Variants in RCOR1 observed in about 807,000 individuals in gnomAD.
The protein encoded by RCOR1 is REST corepressor 1, also known as REST corepressor.
Under a neutral mutation model 64.0 loss-of-function variants are expected in RCOR1, and 12 were observed. The ratio of observed to expected loss-of-function variants is 0.19; its 90% CI spans 0.12 to 0.30. The LOEUF (loss-of-function observed/expected upper bound fraction) is 0.30. RCOR1 is among the 10% of genes least tolerant of loss of function. The pLI is 1.00. For synonymous variants in RCOR1, 279 were observed against 227.2 expected (o/e 1.23, Z -2.05); for missense variants, 502 against 621.2 (o/e 0.81, Z 2.04).
intron 3 of RCOR1, among the ~76,000 whole-genome samples, chr14:102,700,616 G>A (rs1015120265): frequency 6.6e-6 from 1 of 152,158 alleles, no homozygotes; most frequent in Non-Finnish European, 1.5e-5. Context: ...GGATCCTCCC[G>A]CCTCAGCTTT....
In RCOR1 at chr14:102,701,227, G is replaced by T. The variant is rs770795315; in HGVS notation, c.446-51G>T. On this transcript the variant is annotated intron_variant, in intron 3 of 11. Coordinates refer to ENST00000262241, the MANE Select transcript of RCOR1 (RefSeq NM_015156.4). The stretch of plus-strand genomic sequence containing the variant: ...GTATATCAATTCTAGCAGACCATAG[G>T]GTGTACTCTGTCCCTCAGTTTGTTT... The T allele has an allele frequency of 9.9e-6, 14 of 1,409,774 alleles. No homozygotes were observed. In the African/African-American group the frequency reaches 1.6e-4, roughly 16 times the overall value. 87.3% of individuals were successfully genotyped at this position (1,409,774 alleles called of 1,614,324 possible).
chr14:102,656,389 C>T (rs1189620220), intron 2 of RCOR1, among the ~76,000 whole-genome samples: 1 of 152,024 alleles, frequency 6.6e-6, no homozygotes, highest in East Asian at 1.9e-4. Context: ...TCCGCCTGCT[C>T]AGCCTCCCTG....
chr14:102,707,185 T>A (rs777471475), intron 4 of RCOR1, among the ~76,000 whole-genome samples, 166 bp from the exon 5 acceptor site: 39 of 152,192 alleles, frequency 2.6e-4, no homozygotes, highest in Non-Finnish European at 4.0e-4. Context: ...ATTACCACAG[T>A]TACAAAGAAT....
intron 3 of RCOR1, among the ~76,000 whole-genome samples, chr14:102,696,808 CTTTTTTTTT>C (rs71305075): frequency 3.5e-5 from 2 of 57,404 alleles, no homozygotes; most frequent in Non-Finnish European, 6.9e-5. Context: ...ATCTGCTTAT[CTTTTTTTTT>C]TTTTTTTTTT....
chr14:102,708,466 T>A lies in RCOR1; in HGVS notation c.662T>A (p.Leu221His). Residue 221 changes from leucine to histidine, a missense_variant and splice_region_variant, in exon 6 of 12, where the codon CTT becomes CAT. By Grantham distance (99) the Leu-to-His change is moderately conservative (BLOSUM62 -3). This residue lies in a region of RCOR1 where 260 missense variants were observed against 416.4 expected (regional missense o/e 0.62). Transcript: ENST00000262241. ...AACCAACTCATTTTTTATGTTTAGC[T>A]TCCAGATAAATCTATAGCAAGTCTG... is the stretch of plus-strand genomic sequence containing the variant. ...GKTFHRIQQM[L>H]PDKSIASLVK... 6.8e-7 allele frequency: 1 copy of A among 1,460,570 alleles called. No individual in the cohort carries two copies. The highest frequency in any genetic ancestry group is 1.4e-5 in the African/African-American group (1 of 71,814). The allele number at this position is 1,460,570 out of a possible 1,614,324, so 90.5% of individuals were successfully genotyped here.
At chr14:102,676,853 G>T (rs1895177394) in intron 2 of RCOR1, among the ~76,000 whole-genome samples, 1 of 106,066 alleles carries the variant, frequency 9.4e-6, no homozygotes, top group Non-Finnish European at 1.9e-5. Context: ...GGCCGGGCGA[G>T]GGGCTGACCC....
At chr14:102,691,775 T>C (rs75254987) in intron 3 of RCOR1, among the ~76,000 whole-genome samples, 4,880 of 152,324 alleles carry the variant, frequency 0.032, 220 homozygotes, top group African/African-American at 0.1. Flanking sequence ...ATGTCTAATC[T>C]GTATCTTTAT....
intron 2 of RCOR1, among the ~76,000 whole-genome samples, chr14:102,597,053 A>G (rs1893267149): frequency 6.6e-6 from 1 of 151,044 alleles, no homozygotes; most frequent in Non-Finnish European, 1.5e-5. Flanking sequence ...TTGTGTTTTT[A>G]GTAGAGACGG....
chr14:102,690,595 A>G (rs753335827), intron 3 of RCOR1, among the ~76,000 whole-genome samples: 15 of 152,184 alleles, frequency 9.9e-5, no homozygotes, highest in Non-Finnish European at 2.9e-5. Context: ...TCTTAAAAAA[A>G]GGAAAAAAGA....
At chr14:102,690,031 C>G (rs1439271316) in intron 3 of RCOR1, among the ~76,000 whole-genome samples, 1 of 150,912 alleles carries the variant, frequency 6.6e-6, no homozygotes, top group East Asian at 1.9e-4. Flanking sequence ...GCGTGAGTCA[C>G]CGCGCCCGGC....
intron 2 of RCOR1, among the ~76,000 whole-genome samples, chr14:102,663,420 T>C (rs879900498): frequency 6.6e-6 from 1 of 152,242 alleles, no homozygotes; most frequent in Non-Finnish European, 1.5e-5. Flanking sequence ...TTTCATATTG[T>C]CTTTTTTCCT....
chr14:102,627,895 T>C (rs1894013734), intron 2 of RCOR1, among the ~76,000 whole-genome samples: 1 of 151,952 alleles, frequency 6.6e-6, no homozygotes, highest in Non-Finnish European at 1.5e-5. Flanking sequence ...TGTGTCTGTG[T>C]GTGCGTGTAT....
At chr14:102,646,537 A>G (rs982937504) in intron 2 of RCOR1, among the ~76,000 whole-genome samples, 1 of 152,244 alleles carries the variant, frequency 6.6e-6, no homozygotes, top group African/African-American at 2.4e-5. Flanking sequence ...GGATTGCAGG[A>G]CAAATTTTCA....
intron 4 of RCOR1, among the ~76,000 whole-genome samples, chr14:102,705,864 C>A (rs1169633985): frequency 2.0e-5 from 3 of 151,762 alleles, no homozygotes; most frequent in Non-Finnish European, 4.4e-5. Flanking sequence ...TGTGGTGGCT[C>A]ACACCTATAA....
chr14:102,627,253 C>G (rs1008029083), intron 2 of RCOR1, among the ~76,000 whole-genome samples: 5 of 152,044 alleles, frequency 3.3e-5, no homozygotes, highest in African/African-American at 1.2e-4. Context: ...GCTTTTCTAC[C>G]TGTTTAAGGA....
intron 2 of RCOR1, among the ~76,000 whole-genome samples, chr14:102,615,017 G>A (rs1203087263): frequency 6.6e-6 from 1 of 151,794 alleles, no homozygotes; most frequent in Non-Finnish European, 1.5e-5. Flanking sequence ...ATTTTTAGTA[G>A]AGACGGGGTT....
At chr14:102,671,634 A>C (rs1349816079) in intron 2 of RCOR1, among the ~76,000 whole-genome samples, 1 of 152,170 alleles carries the variant, frequency 6.6e-6, no homozygotes, top group Admixed American at 6.5e-5. Context: ...GCCTCAGCTG[A>C]TCCTCCCACC....
intron 8 of RCOR1, among the ~76,000 whole-genome samples, chr14:102,715,012 C>T (rs1896041866): frequency 5.3e-5 from 8 of 151,962 alleles, no homozygotes; most frequent in Admixed American, 5.2e-4. Context: ...GTTGCATTCC[C>T]TCAGCAACTC....
chr14:102,667,778 C>T (rs1008953322), intron 2 of RCOR1, among the ~76,000 whole-genome samples: 2 of 146,840 alleles, frequency 1.4e-5, no homozygotes, highest in African/African-American at 2.7e-5. Flanking sequence ...GAGGGGACTC[C>T]AAGATGACTT....
Sources: allele counts gnomAD v4.1 joint callset (sites outside exome capture counted in the v4.1 genomes callset), GRCh38; gene constraint gnomAD v4.1.1; regional missense constraint gnomAD v4.1.1; transcripts MANE v1.5; gene names NCBI Gene and HGNC (gene_info 2026-07-23, HGNC 2026-07-21).